WWOX: variants seen among roughly 807,000 people sequenced by gnomAD.
WWOX encodes the protein WW domain containing oxidoreductase.
A neutral mutation model predicts 46.2 loss-of-function variants in WWOX; 69 were observed. The observed-to-expected ratio is 1.49, with a 90% CI of 1.23 to 1.82. The LOEUF (loss-of-function observed/expected upper bound fraction) is 1.82. Ranked by LOEUF, WWOX falls within the 40% of genes most tolerant of loss-of-function variation. WWOX has a pLI of 0.00. For synonymous variants in WWOX, 359 were observed against 202.6 expected, an observed-to-expected ratio of 1.77 and a Z score of -6.56; for missense variants, 919 against 542.6, an observed-to-expected ratio of 1.69 and a Z score of -6.89.
chr16:78,755,084 A>G (rs2049607360), intron 8 of WWOX, among the ~76,000 whole-genome samples: 1 of 151,786 alleles, frequency 6.6e-6, no homozygotes, highest in African/African-American at 2.4e-5. Context: ...GCATTAGGAC[A>G]CATATCTAAT....
rs944986793 is a variant in WWOX, at chr16:78,423,890, A to G, written c.606-980A>G. ...TATATACAAAATAAGGGAGAATACT[A>G]TGACAGGCTTCCACTTACCTATCTT... On this transcript the variant is annotated intron_variant, in intron 6 of 8. Coordinates refer to ENST00000566780, the MANE Select transcript of WWOX (RefSeq NM_016373.4). 1.6e-4 allele frequency among the ~76,000 whole-genome samples: 24 copies of G among 151,722 alleles called. 1 individual carries two copies. The highest frequency in any genetic ancestry group is 2.9e-4 in the Non-Finnish European group (20 of 67,904).
intron 8 of WWOX, among the ~76,000 whole-genome samples, chr16:78,959,192 G>T (rs1340874382): frequency 6.6e-6 from 1 of 152,128 alleles, no homozygotes; most frequent in Non-Finnish European, 1.5e-5. Context: ...TCTACGTCAA[G>T]GTTCTCGTTC....
intron 8 of WWOX, among the ~76,000 whole-genome samples, chr16:79,182,962 A>C (rs560064085): frequency 6.0e-4 from 91 of 152,334 alleles, no homozygotes; most frequent in African/African-American, 2.2e-3. Context: ...AGCAGGACTA[A>C]GAAGGTAAAG....
At chr16:78,394,440 C>T (rs1038531323) in intron 6 of WWOX, among the ~76,000 whole-genome samples, 3 of 98,782 alleles carry the variant, frequency 3.0e-5, no homozygotes, top group African/African-American at 1.3e-4. Flanking sequence ...CTGTGAAATA[C>T]TTAGTGTATC....
At chr16:78,426,478 T>C (rs887333254) in intron 7 of WWOX, among the ~76,000 whole-genome samples, 15 of 152,192 alleles carry the variant, frequency 9.9e-5, no homozygotes, top group Non-Finnish European at 1.5e-4. Context: ...TCATGCCTAC[T>C]TCAGAGATCC....
chr16:78,567,442 A>G (rs1280010017), intron 8 of WWOX, among the ~76,000 whole-genome samples: 1 of 149,186 alleles, frequency 6.7e-6, no homozygotes, highest in Non-Finnish European at 1.5e-5. Flanking sequence ...AGTCCCAGCT[A>G]CTCCGGAGGC....
At chr16:79,132,593 C>T (rs2049902548) in intron 8 of WWOX, among the ~76,000 whole-genome samples, 1 of 152,062 alleles carries the variant, frequency 6.6e-6, no homozygotes, top group Non-Finnish European at 1.5e-5. Context: ...TCTGGTTTCT[C>T]TGTGTCTCTC....
At chr16:78,627,370 C>G (rs1470829719) in intron 8 of WWOX, among the ~76,000 whole-genome samples, 2 of 152,228 alleles carry the variant, frequency 1.3e-5, no homozygotes, top group East Asian at 1.9e-4. Context: ...TTGGCTTAAC[C>G]CCAAACTTGG....
rs138930301 is a variant in WWOX, at chr16:78,423,322, TTA to T, written c.606-1546_606-1545del. ...TGTTTTATAAGGTCGGTAGATTTGT[TTA>T]TGATTTTAATGGCTGCATAGTATTC... On this transcript the variant is annotated intron_variant, in intron 6 of 8. Coordinates refer to ENST00000566780, the MANE Select transcript of WWOX (RefSeq NM_016373.4). Among the ~76,000 whole-genome samples the T allele has an allele frequency of 4.9e-3, 742 of 152,336 alleles. 30 individuals carry two copies. In the East Asian group the frequency reaches 0.1, roughly 21 times the overall value.
chr16:79,117,823 C>T (rs921670965), intron 8 of WWOX, among the ~76,000 whole-genome samples: 3 of 152,228 alleles, frequency 2.0e-5, no homozygotes, highest in Non-Finnish European at 2.9e-5. Context: ...TCTGCAGCTT[C>T]CTCACCCCTC....
At chr16:78,681,179 G>A (rs1221781717) in intron 8 of WWOX, among the ~76,000 whole-genome samples, 3 of 152,088 alleles carry the variant, frequency 2.0e-5, no homozygotes, top group African/African-American at 7.2e-5. Context: ...AACCCGAGAG[G>A]CGGAGATTGC....
chr16:78,945,696 C>A (rs978317461), intron 8 of WWOX, among the ~76,000 whole-genome samples: 10 of 151,960 alleles, frequency 6.6e-5, no homozygotes, highest in African/African-American at 1.2e-4. Flanking sequence ...TGTATGCCCC[C>A]CTTTCTCCCC....
intron 8 of WWOX, among the ~76,000 whole-genome samples, chr16:78,903,312 A>G (rs191707008): frequency 8.1e-4 from 124 of 152,308 alleles, no homozygotes; most frequent in African/African-American, 2.8e-3. Flanking sequence ...CAAACATCTG[A>G]TTGGTTTTGG....
intron 8 of WWOX, among the ~76,000 whole-genome samples, chr16:78,712,637 T>A (rs923907173): frequency 1.3e-5 from 2 of 152,062 alleles, no homozygotes; most frequent in East Asian, 1.9e-4. Context: ...AATAGGAAAA[T>A]TTGAATATGG....
chr16:79,106,968 G>C (rs936215430), intron 8 of WWOX, among the ~76,000 whole-genome samples: 1 of 151,850 alleles, frequency 6.6e-6, no homozygotes, highest in Admixed American at 6.6e-5. Flanking sequence ...CCGCAACCAT[G>C]TCCCACGAAT....
At position 78,123,440 on chromosome 16, in the gene WWOX, G is replaced by GTTTTGTTTTGTTT. The variant is rs1567584444; in HGVS notation, c.409+8290_409+8291insGTTTTGTTTTTTT. Reference sequence around the variant, plus strand: ...TGTTTTTTTCTTTGTTTTTTGTTTTGTTTTTTTTTTTTTTGTTTTTTTTTT... The same window carrying GTTTTGTTTTGTTT: ...TGTTTTTTTCTTTGTTTTTTGTTTTGTTTTGTTTTGTTTTTTTTTTTTTTTTTGTTTTTTTTTT... On this transcript the variant is annotated intron_variant, in intron 4 of 8. Coordinates refer to ENST00000566780, the MANE Select transcript of WWOX (RefSeq NM_016373.4). 1.8e-4 allele frequency: 9 copies of GTTTTGTTTTGTTT among 50,500 alleles called. 1 individual carries two copies. Among genetic ancestry groups the GTTTTGTTTTGTTT allele is most frequent in the Admixed American group, 7.3e-4 (3 of 4,128 alleles). 3.1% of individuals were successfully genotyped at this position (50,500 alleles called of 1,614,324 possible).
At chr16:78,196,443 G>A (rs571895473) in intron 5 of WWOX, among the ~76,000 whole-genome samples, 18 of 152,284 alleles carry the variant, frequency 1.2e-4, no homozygotes, top group African/African-American at 3.6e-4. Flanking sequence ...AGAAATCTGA[G>A]CTGCTTTTTA....
intron 6 of WWOX, among the ~76,000 whole-genome samples, chr16:78,393,492 C>A (rs939594632): frequency 6.6e-6 from 1 of 151,010 alleles, no homozygotes; most frequent in East Asian, 1.9e-4. Flanking sequence ...GACGCTGTCT[C>A]TATATTACAA....
intron 8 of WWOX, among the ~76,000 whole-genome samples, chr16:78,708,502 G>T (rs576818089): frequency 6.6e-6 from 1 of 152,086 alleles, no homozygotes; most frequent in South Asian, 2.1e-4. Flanking sequence ...TGTATCAAGC[G>T]TTTACCATCT....
Sources: allele counts gnomAD v4.1 joint callset (sites outside exome capture counted in the v4.1 genomes callset), GRCh38; gene constraint gnomAD v4.1.1; transcripts MANE v1.5; gene names NCBI Gene and HGNC (gene_info 2026-07-23, HGNC 2026-07-21).